NCAM2: variants seen among roughly 807,000 people sequenced by gnomAD.
NCAM2 encodes N-CAM-2.
A neutral mutation model predicts 98.1 loss-of-function variants in NCAM2; 30 were observed. That is an observed-to-expected ratio of 0.31 (90% CI 0.23 to 0.41). The LOEUF (loss-of-function observed/expected upper bound fraction) is 0.41. Among genes scored for constraint, NCAM2 ranks in the 10% least tolerant of loss-of-function variants. The probability of loss-of-function intolerance (pLI) is 1.00; values close to 1 mark genes in which losing one functional copy is unlikely to be tolerated. For missense variants in NCAM2, 867 were observed against 1,005.8 expected (o/e 0.86, Z 1.87); for synonymous variants, 368 against 342.4 (o/e 1.07, Z -0.83).
intron 9 of NCAM2, among the ~76,000 whole-genome samples, chr21:21,395,264 G>A (rs959320366): frequency 2.6e-5 from 4 of 152,238 alleles, no homozygotes; most frequent in African/African-American, 9.6e-5. Context: ...AACCTGGGAA[G>A]CAGAGGTGAC....
At chr21:21,351,013 A>C (rs1486856450) in intron 8 of NCAM2, among the ~76,000 whole-genome samples, 2 of 145,848 alleles carry the variant, frequency 1.4e-5, no homozygotes, top group African/African-American at 5.0e-5. Context: ...GCTACTCCGG[A>C]GGCTGAAGCA....
intron 2 of NCAM2, 79 bp downstream of exon 2, chr21:21,280,731 A>T (rs1423516302): frequency 1.6e-5 from 15 of 913,092 alleles, no homozygotes; most frequent in Admixed American, 9.8e-5. Context: ...AAATTTAACT[A>T]GTTAAAAACT....
At chr21:21,415,330 C>CTTTTT (rs34997215) in intron 10 of NCAM2, among the ~76,000 whole-genome samples, 6 of 70,804 alleles carry the variant, frequency 8.5e-5, no homozygotes, top group Non-Finnish European at 9.7e-5. Flanking sequence ...TTAGCTTGAT[C>CTTTTT]TTTTTTTTTT....
At chr21:21,497,410 GT>G (rs200427355) in intron 15 of NCAM2, among the ~76,000 whole-genome samples, 2,567 of 152,166 alleles carry the variant, frequency 0.017, 26 homozygotes, top group Non-Finnish European at 0.029. Flanking sequence ...TAATCTACTT[GT>G]TTATAGTTCC....
At chr21:21,043,663 T>C (rs1330564233) in intron 1 of NCAM2, among the ~76,000 whole-genome samples, 1 of 151,732 alleles carries the variant, frequency 6.6e-6, no homozygotes, top group Non-Finnish European at 1.5e-5. Context: ...CCATCCTGGC[T>C]AACACAGTGA....
At position 21,045,289 on chromosome 21, in the gene NCAM2, T is replaced by A. The variant is rs2064987036; in HGVS notation, c.55+46671T>A. Reference sequence around the variant, plus strand: ...AAGGCAAATAAATAAATAAATAAAATACAAATATCATAGGATTTTTTCCTC... The same window carrying A: ...AAGGCAAATAAATAAATAAATAAAAAACAAATATCATAGGATTTTTTCCTC... On this transcript the variant is annotated intron_variant, in intron 1 of 17. Coordinates refer to ENST00000400546, the MANE Select transcript of NCAM2 (RefSeq NM_004540.5). Among the ~76,000 whole-genome samples the A allele has an allele frequency of 3.3e-5, 5 of 152,168 alleles. No homozygotes were observed. In the South Asian group the frequency reaches 1.0e-3, roughly 32 times the overall value.
intron 1 of NCAM2, among the ~76,000 whole-genome samples, chr21:21,225,571 G>A (rs1183745726): frequency 2.6e-5 from 4 of 151,902 alleles, no homozygotes; most frequent in South Asian, 4.2e-4. Flanking sequence ...ACTTATTACA[G>A]GGGTCAGAAT....
At chr21:21,405,134 A>G (rs1205510809) in intron 9 of NCAM2, among the ~76,000 whole-genome samples, 1 of 151,956 alleles carries the variant, frequency 6.6e-6, no homozygotes, top group East Asian at 1.9e-4. Context: ...GACTATCAAG[A>G]TATTTTTGCA....
At chr21:21,160,568 A>G (rs2067752158) in intron 1 of NCAM2, among the ~76,000 whole-genome samples, 2 of 152,000 alleles carry the variant, frequency 1.3e-5, no homozygotes, top group Non-Finnish European at 2.9e-5. Context: ...AAGTGAAACA[A>G]CTTAGGGACT....
chr21:21,473,530 C>T (rs767919639), intron 14 of NCAM2, among the ~76,000 whole-genome samples: 5 of 151,080 alleles, frequency 3.3e-5, no homozygotes, highest in Non-Finnish European at 7.4e-5. Flanking sequence ...ATCCAGGAAC[C>T]GGGAACTGCT....
At chr21:21,377,540 T>C (rs2076060640) in intron 9 of NCAM2, among the ~76,000 whole-genome samples, 3 of 151,958 alleles carry the variant, frequency 2.0e-5, no homozygotes, top group Admixed American at 6.6e-5. Flanking sequence ...AATGTGATGC[T>C]TTTAAAAATT....
chr21:21,381,925 G>A (rs1359142876), intron 9 of NCAM2, among the ~76,000 whole-genome samples: 1 of 151,866 alleles, frequency 6.6e-6, no homozygotes, highest in Non-Finnish European at 1.5e-5. Context: ...TTCATCAAAT[G>A]TCCACTACAC....
rs762649862 is a variant in NCAM2, at chr21:21,540,086, G to T, written c.*2129G>T. 6.6e-6 allele frequency: 1 copy of T among 152,000 alleles called. No homozygotes were observed. The highest frequency in any genetic ancestry group is 1.5e-5 in the Non-Finnish European group (1 of 68,000). The allele number at this position is 152,000 out of a possible 1,614,324, so 9.4% of individuals were successfully genotyped here. ...AAACTAATGATGGTGAAAGAAATAC[G>T]ATGACTGAGAAAGTCATTTCGCATG... is the stretch of plus-strand genomic sequence containing the variant. On this transcript the variant is annotated 3_prime_UTR_variant, in exon 18 of 18. Coordinates refer to ENST00000400546, the MANE Select transcript of NCAM2 (RefSeq NM_004540.5).
chr21:21,265,988 A>T (rs569245552), intron 1 of NCAM2, among the ~76,000 whole-genome samples: 87 of 152,260 alleles, frequency 5.7e-4, no homozygotes, highest in African/African-American at 2.0e-3. Flanking sequence ...AAAAATATTA[A>T]TGAATAAGTG....
At chr21:21,217,095 G>A (rs1312889840) in intron 1 of NCAM2, among the ~76,000 whole-genome samples, 1 of 152,170 alleles carries the variant, frequency 6.6e-6, no homozygotes, top group Admixed American at 6.5e-5. Flanking sequence ...TGCTGAGGGT[G>A]CCAGGGAGTT....
At chr21:21,148,756 A>G (rs763311195) in intron 1 of NCAM2, among the ~76,000 whole-genome samples, 36 of 152,302 alleles carry the variant, frequency 2.4e-4, no homozygotes, top group Non-Finnish European at 4.7e-4. Context: ...TTGATGTTCA[A>G]ATCTTTGCAG....
intron 3 of NCAM2, among the ~76,000 whole-genome samples, chr21:21,285,689 C>T (rs542432978): frequency 6.6e-6 from 1 of 151,956 alleles, no homozygotes; most frequent in African/African-American, 2.4e-5. Context: ...TTCATTCATT[C>T]ATTAAAGACA....
Position 21,441,021 on chromosome 21 carries a change from C to T in NCAM2, c.1654+8740C>T, listed in dbSNP as rs569211357. On this transcript the variant is annotated intron_variant, in intron 12 of 17. Transcript: ENST00000400546. ...AAAAATTAATGAAATTCTTCATAACCCTGTAGTCTTCCAAATCAAAATTTT... is the reference window on the plus strand; with the variant it reads ...AAAAATTAATGAAATTCTTCATAACTCTGTAGTCTTCCAAATCAAAATTTT... Among the ~76,000 whole-genome samples the T allele has an allele frequency of 9.9e-5, 15 of 152,166 alleles. No individual in the cohort carries two copies. The South Asian group carries it at 3.1e-3, about 32-fold the overall frequency.
At chr21:21,218,337 A>C (rs370780441) in intron 1 of NCAM2, among the ~76,000 whole-genome samples, 1 of 152,146 alleles carries the variant, frequency 6.6e-6, no homozygotes, top group East Asian at 1.9e-4. Flanking sequence ...TTTGTGACCA[A>C]GTATACTCTC....
Sources: gnomAD v4.1 joint callset for allele counts (sites outside exome capture counted in the v4.1 genomes callset) on GRCh38, gnomAD v4.1.1 for gene constraint, MANE v1.5 for transcripts, NCBI Gene and HGNC (gene_info 2026-07-23, HGNC 2026-07-21) for gene names.